Variants in LRRC37A2 observed in about 807,000 individuals in gnomAD.
The protein encoded by LRRC37A2 is leucine-rich repeat-containing protein 37A2.
Under a neutral mutation model 68.8 loss-of-function variants are expected in LRRC37A2, and 9 were observed. The observed-to-expected ratio is 0.13, with a 90% CI of 0.08 to 0.23. The LOEUF is 0.23. Among genes scored for constraint, LRRC37A2 ranks in the 10% least tolerant of loss-of-function variants. LRRC37A2 has a pLI of 1.00. For missense variants in LRRC37A2, 168 were observed against 950.4 expected, an observed-to-expected ratio of 0.18 and a Z score of 10.82; for synonymous variants, 63 against 367.6, an observed-to-expected ratio of 0.17 and a Z score of 9.48.
chr17:46,973,890 C>G, the LRRC37A2 span, among the ~76,000 whole-genome samples: 2 of 152,186 alleles, frequency 1.3e-5, no homozygotes, highest in African/African-American at 2.4e-5. Flanking sequence ...GTACCCGCCA[C>G]CTCGCATGCT....
the LRRC37A2 span, among the ~76,000 whole-genome samples, chr17:46,893,211 G>A: frequency 1.3e-5 from 2 of 152,292 alleles, no homozygotes; most frequent in East Asian, 3.9e-4. Flanking sequence ...TAGGATTACA[G>A]GCATGAGCCA....
the LRRC37A2 span, among the ~76,000 whole-genome samples, chr17:46,784,911 G>C: frequency 1.3e-5 from 2 of 151,966 alleles, no homozygotes. Context: ...GAGTAGCTGG[G>C]ACTACAGGCA....
At chr17:46,542,532 G>GATATAT (rs1024761002) in intron 8 of LRRC37A2, among the ~76,000 whole-genome samples, 9 of 146,156 alleles carry the variant, frequency 6.2e-5, no homozygotes, top group South Asian at 2.1e-4. Flanking sequence ...TATAGATATA[G>GATATAT]ATATATATAT....
chr17:46,826,858 C>A, the LRRC37A2 span, among the ~76,000 whole-genome samples: 13 of 149,986 alleles, frequency 8.7e-5, no homozygotes, highest in African/African-American at 2.9e-4. Flanking sequence ...CTGCAACCTG[C>A]AACCTCTGCC....
chr17:46,749,714 T>C, the LRRC37A2 span: 3 of 1,466,766 alleles, frequency 2.0e-6, no homozygotes, highest in South Asian at 4.3e-5. Flanking sequence ...TCAAGCTTAC[T>C]GTAGTTTCCT....
the LRRC37A2 span, chr17:46,978,511 C>A: frequency 9.3e-7 from 1 of 1,076,538 alleles, no homozygotes; most frequent in South Asian, 1.7e-5. Flanking sequence ...AGTCTCGCCG[C>A]GTCCCCGCCC....
the LRRC37A2 span, chr17:46,930,198 A>G: frequency 2.0e-5 from 3 of 152,868 alleles, no homozygotes; most frequent in Non-Finnish European, 4.4e-5. Context: ...GCAGCTTCAA[A>G]AGCAGCTCTG....
chr17:46,721,563 T>C, the LRRC37A2 span: 9 of 1,444,612 alleles, frequency 6.2e-6, no homozygotes, highest in Non-Finnish European at 8.7e-6. Flanking sequence ...ATATATACTT[T>C]TTATTTAGCC....
chr17:46,868,521 G>A, the LRRC37A2 span, among the ~76,000 whole-genome samples: 6 of 152,230 alleles, frequency 3.9e-5, no homozygotes, highest in East Asian at 1.9e-4. Context: ...GCTTGAACCC[G>A]GGAGGCAGAG....
the LRRC37A2 span, among the ~76,000 whole-genome samples, chr17:46,946,115 C>T: frequency 4.6e-5 from 7 of 152,056 alleles, no homozygotes; most frequent in Admixed American, 2.6e-4. Flanking sequence ...TCTCTGTCGT[C>T]ACTCACTTGG....
the LRRC37A2 span, among the ~76,000 whole-genome samples, chr17:46,719,525 A>G: frequency 6.6e-6 from 1 of 152,204 alleles, no homozygotes; most frequent in African/African-American, 2.4e-5. The surrounding 1 kb of genome is among the most constrained non-coding windows in gnomAD (Gnocchi z 4.3). Context: ...TAAACTCCTC[A>G]AAACTGCTGA....
At chr17:46,503,305 A>T in the LRRC37A2 span, among the ~76,000 whole-genome samples, 1 of 149,192 alleles carries the variant, frequency 6.7e-6, no homozygotes, top group East Asian at 2.0e-4. Context: ...TTACTTGCTC[A>T]TTGTTTTATT....
At chr17:46,437,770 C>T in the LRRC37A2 span, among the ~76,000 whole-genome samples, 10 of 135,118 alleles carry the variant, frequency 7.4e-5, no homozygotes, top group African/African-American at 2.6e-4. Flanking sequence ...GACTTAAGCA[C>T]CTTTTCATAA....
the LRRC37A2 span, among the ~76,000 whole-genome samples, chr17:46,681,869 C>G: frequency 2.4e-5 from 1 of 40,922 alleles, no homozygotes; most frequent in African/African-American, 1.4e-4. Flanking sequence ...CGGAACCAGT[C>G]AGTTTTGCAG....
At chr17:46,740,890 G>T in the LRRC37A2 span, among the ~76,000 whole-genome samples, 36 of 152,166 alleles carry the variant, frequency 2.4e-4, no homozygotes, top group Middle Eastern at 6.8e-3. Flanking sequence ...TTGAAATCCT[G>T]ACCGTTGGTG....
At chr17:46,758,291 G>A in the LRRC37A2 span, among the ~76,000 whole-genome samples, 4 of 152,234 alleles carry the variant, frequency 2.6e-5, no homozygotes, top group Admixed American at 2.6e-4. Flanking sequence ...GTGGGGAAGA[G>A]GCCAGCTTCA....
At chr17:46,730,367 CT>C in the LRRC37A2 span, among the ~76,000 whole-genome samples, 4 of 152,128 alleles carry the variant, frequency 2.6e-5, no homozygotes, top group South Asian at 4.1e-4. Context: ...GGAAGATTAA[CT>C]TCAGTGCTAT....
chr17:46,811,044 A>G, the LRRC37A2 span, among the ~76,000 whole-genome samples: 1 of 152,090 alleles, frequency 6.6e-6, no homozygotes, highest in East Asian at 1.9e-4. Context: ...GGCCCGCCTC[A>G]GGGGGAACCA....
the LRRC37A2 span, among the ~76,000 whole-genome samples, chr17:46,995,985 C>A: frequency 1.3e-5 from 2 of 152,120 alleles, no homozygotes; most frequent in African/African-American, 4.8e-5. Context: ...TGCTGCCTCC[C>A]CACTCAGCAG....
Sources: allele counts gnomAD v4.1 joint callset (sites outside exome capture counted in the v4.1 genomes callset), GRCh38; gene constraint gnomAD v4.1.1; non-coding constraint Gnocchi (gnomAD v3.1); transcripts MANE v1.5; gene names NCBI Gene and HGNC (gene_info 2026-07-23, HGNC 2026-07-21).